HNF4G: variants seen among roughly 807,000 people sequenced by gnomAD.
The protein encoded by HNF4G is hepatocyte nuclear factor 4 gamma, also known as hepatocyte nuclear factor 4-gamma.
In HNF4G, 21 loss-of-function variants were observed where a neutral mutation model predicts 50.9. That is an observed-to-expected ratio of 0.41 (90% CI 0.29 to 0.59). The LOEUF (loss-of-function observed/expected upper bound fraction) is 0.59, where lower values mean the gene tolerates loss of function less well. Among genes scored for constraint, HNF4G ranks in the 20% least tolerant of loss-of-function variants. The pLI is 0.26. For synonymous variants in HNF4G, 198 were observed against 185.6 expected, an observed-to-expected ratio of 1.07 and a Z score of -0.54; for missense variants, 527 against 559.4, an observed-to-expected ratio of 0.94 and a Z score of 0.58.
chr8:75,421,952 C>A (rs976102883), intron 1 of HNF4G, among the ~76,000 whole-genome samples: 1 of 151,612 alleles, frequency 6.6e-6, no homozygotes, highest in Non-Finnish European at 1.5e-5. Context: ...TGTGTGTGTG[C>A]GCGTCAGGTG....
chr8:75,476,224 T>C (rs2130645270), intron 1 of HNF4G, among the ~76,000 whole-genome samples: 1 of 152,346 alleles, frequency 6.6e-6, no homozygotes, highest in Non-Finnish European at 1.5e-5. Flanking sequence ...GTTATTTCAC[T>C]TGGCATTCCA....
chr8:75,443,361 T>G (rs1811333582), intron 1 of HNF4G, among the ~76,000 whole-genome samples: 1 of 152,196 alleles, frequency 6.6e-6, no homozygotes, highest in African/African-American at 2.4e-5. Flanking sequence ...AGTTTTCCAG[T>G]CTCTAAAATG....
chr8:75,434,841 A>T (rs909138058), intron 1 of HNF4G, among the ~76,000 whole-genome samples: 1 of 152,228 alleles, frequency 6.6e-6, no homozygotes, highest in African/African-American at 2.4e-5. Flanking sequence ...CCACAAAAAT[A>T]TAATTTCTCA....
rs182939425 is a variant in HNF4G at position 75,408,959 on chromosome 8, G to A, written c.-144+797G>A. On this transcript the variant is annotated intron_variant, in intron 1 of 10. Transcript: ENST00000354370. ...GGTTTCCCTTCTCTCTTTAGAAGCG[G>A]TTATTTGTCATTAAACATTCTTCCT... 2.9e-4 allele frequency among the ~76,000 whole-genome samples: 44 copies of A among 152,320 alleles called. No homozygotes were observed. The East Asian group carries it at 6.0e-3, about 21-fold the overall frequency.
chr8:75,434,606 G>C (rs954370440), intron 1 of HNF4G, among the ~76,000 whole-genome samples: 1 of 151,948 alleles, frequency 6.6e-6, no homozygotes, highest in Admixed American at 6.6e-5. Context: ...ATGAAAAATA[G>C]GGAGTGAAAA....
intron 1 of HNF4G, among the ~76,000 whole-genome samples, chr8:75,421,652 C>T (rs920539187): frequency 6.6e-6 from 1 of 152,120 alleles, no homozygotes; most frequent in African/African-American, 2.4e-5. Flanking sequence ...GCAAGTGGTT[C>T]ACAAACTTGA....
intron 2 of HNF4G, among the ~76,000 whole-genome samples, chr8:75,503,349 A>G (rs1326923104): frequency 7.1e-6 from 1 of 141,164 alleles, no homozygotes; most frequent in African/African-American, 2.7e-5. Flanking sequence ...AAACATGTAA[A>G]GTAACACAGA....
At position 75,433,272 on chromosome 8, in the gene HNF4G, G is replaced by T. The variant is rs76285492; in HGVS notation, c.-144+25110G>T. Among the ~76,000 whole-genome samples the T allele has an allele frequency of 2.0e-4, 30 of 152,096 alleles. No homozygotes were observed. In the East Asian group the frequency reaches 5.8e-3, roughly 29 times the overall value. On this transcript the variant is annotated intron_variant, in intron 1 of 10. Coordinates refer to the HNF4G transcript ENST00000354370. Reference sequence around the variant, plus strand: ...AAAAGAAAAAAATTAGCCAGGCATGGTGATGTGCACCCATAGTTTTAGCCA... The same window carrying T: ...AAAAGAAAAAAATTAGCCAGGCATGTTGATGTGCACCCATAGTTTTAGCCA...
rs113006232 is a variant in HNF4G, at chr8:75,556,758, T to A, written c.733+689T>A. Among the ~76,000 whole-genome samples, 1,125 of 152,332 alleles carry A rather than the reference T, an allele frequency of 7.4e-3. 14 individuals are homozygous for A. Among genetic ancestry groups the A allele is most frequent in the African/African-American group, 0.025 (1,057 of 41,568 alleles). On this transcript the variant is annotated intron_variant, in intron 6 of 9. Transcript: ENST00000396423. ...TGGCATGTGTGAAAATATGACTAGA[T>A]TATTTTATTTTTGTGCTAGATGTTT... is the stretch of plus-strand genomic sequence containing the variant.
intron 2 of HNF4G, among the ~76,000 whole-genome samples, chr8:75,545,426 T>C (rs1806747665): frequency 6.6e-6 from 1 of 152,240 alleles, no homozygotes; most frequent in African/African-American, 2.4e-5. Flanking sequence ...TAACAACAGA[T>C]AGAGTTTAAC....
chr8:75,450,006 C>T (rs761432100), intron 1 of HNF4G, among the ~76,000 whole-genome samples: 2 of 152,092 alleles, frequency 1.3e-5, no homozygotes, highest in Non-Finnish European at 2.9e-5. Context: ...CTCCCCAATC[C>T]TTTTATTCCC....
chr8:75,513,775 A>G (rs939180259), intron 2 of HNF4G, among the ~76,000 whole-genome samples: 4 of 151,500 alleles, frequency 2.6e-5, no homozygotes, highest in Non-Finnish European at 5.9e-5. Flanking sequence ...AATTCAATTC[A>G]TATTATTTAT....
intron 2 of HNF4G, among the ~76,000 whole-genome samples, chr8:75,509,835 T>C (rs986003444): frequency 6.6e-6 from 1 of 152,244 alleles, no homozygotes; most frequent in South Asian, 2.1e-4. Context: ...ATGGAAGTAT[T>C]GCACATACAA....
At chr8:75,518,232 T>C (rs1805945514) in intron 2 of HNF4G, among the ~76,000 whole-genome samples, 2 of 146,432 alleles carry the variant, frequency 1.4e-5, no homozygotes, top group African/African-American at 2.5e-5. Context: ...AGTGAGAACA[T>C]GTGGTGTTTG....
chr8:75,488,334 C>T (rs552435245), intron 1 of HNF4G, among the ~76,000 whole-genome samples: 1 of 152,164 alleles, frequency 6.6e-6, no homozygotes, highest in South Asian at 2.1e-4. Flanking sequence ...AGTGCGGTGG[C>T]GTGTTCTTGG....
At chr8:75,487,439 T>C (rs1453200730) in intron 1 of HNF4G, among the ~76,000 whole-genome samples, 2 of 152,154 alleles carry the variant, frequency 1.3e-5, no homozygotes, top group Non-Finnish European at 2.9e-5. Context: ...TGTAAACAAA[T>C]CTGAAATTTT....
At chr8:75,425,095 T>TATTTATTC (rs932275429) in intron 1 of HNF4G, among the ~76,000 whole-genome samples, 2 of 151,544 alleles carry the variant, frequency 1.3e-5, no homozygotes, top group African/African-American at 4.9e-5. Context: ...TTTATTTATT[T>TATTTATTC]ATTTATTTTA....
intron 1 of HNF4G, among the ~76,000 whole-genome samples, chr8:75,543,597 A>G (rs911237935): frequency 6.6e-6 from 1 of 152,110 alleles, no homozygotes; most frequent in African/African-American, 2.4e-5. Context: ...TAGTTGGAGA[A>G]CTAAGCCCTA....
At chr8:75,553,014 G>A (rs186048646) in intron 4 of HNF4G, 28 bp from the exon 5 acceptor site, 1 of 1,524,224 alleles carries the variant, frequency 6.6e-7, no homozygotes. Flanking sequence ...TATTTTAAAT[G>A]ATAATATAAT....
Sources: allele counts gnomAD v4.1 joint callset (sites outside exome capture counted in the v4.1 genomes callset), GRCh38; gene constraint gnomAD v4.1.1; transcripts MANE v1.5; gene names NCBI Gene and HGNC (gene_info 2026-07-23, HGNC 2026-07-21).